The following PGM2L1 variants were observed in gnomAD, a reference collection of about 807,000 sequenced individuals.
PGM2L1 encodes the protein phosphoglucomutase 2 like 1.
PGM2L1 carries 35 observed loss-of-function variants against 73.4 expected under a neutral mutation model. The ratio of observed to expected loss-of-function variants is 0.48; its 90% CI spans 0.36 to 0.63. The LOEUF (loss-of-function observed/expected upper bound fraction) is 0.63, where lower values mean the gene tolerates loss of function less well. Ranked by LOEUF, PGM2L1 falls within the 30% of genes least tolerant of loss-of-function variation. The pLI is 0.00. For missense variants in PGM2L1, 570 were observed against 742.0 expected, an observed-to-expected ratio of 0.77 and a Z score of 2.69; for synonymous variants, 225 against 253.8, an observed-to-expected ratio of 0.89 and a Z score of 1.08.
chr11:74,336,778 G>A, intron 13 of PGM2L1, 24 bp from the exon 14 acceptor site: 4 of 1,504,822 alleles, frequency 2.7e-6, no homozygotes, highest in Non-Finnish European at 3.7e-6. Flanking sequence ...GAAGAGTTTT[G>A]GAATTATTTA....
At chr11:74,363,126 TCCTGAATGACTACTGGGTACA>T (rs1862593062) in intron 5 of PGM2L1, among the ~76,000 whole-genome samples, 1 of 152,144 alleles carries the variant, frequency 6.6e-6, no homozygotes, top group African/African-American at 2.4e-5. Flanking sequence ...AACAACCTGC[TCCTGAATGACTACTGGGTACA>T]TAATGAAATG....
At chr11:74,344,378 C>T (rs1442440352) in intron 9 of PGM2L1, among the ~76,000 whole-genome samples, 1 of 151,830 alleles carries the variant, frequency 6.6e-6, no homozygotes. Context: ...ACACTGTGTC[C>T]TAACTATTAA....
chr11:74,376,251 A>C (rs1019228251), intron 1 of PGM2L1, among the ~76,000 whole-genome samples: 3 of 152,034 alleles, frequency 2.0e-5, no homozygotes, highest in Non-Finnish European at 4.4e-5. Context: ...ACTAAGATTT[A>C]GAGAGGGAGC....
intron 12 of PGM2L1, among the ~76,000 whole-genome samples, chr11:74,340,285 A>C (rs1189894754): frequency 2.0e-5 from 3 of 152,224 alleles, no homozygotes; most frequent in African/African-American, 7.2e-5. Context: ...AATATTATAC[A>C]CTTTAACGAG....
At chr11:74,353,111 GC>G (rs1403998176) in intron 5 of PGM2L1, among the ~76,000 whole-genome samples, 1 of 152,082 alleles carries the variant, frequency 6.6e-6, no homozygotes, top group African/African-American at 2.4e-5. Flanking sequence ...CACAGAAACT[GC>G]CCCCAGTCAG....
At chr11:74,373,444 A>G (rs1278947350) in intron 2 of PGM2L1, among the ~76,000 whole-genome samples, 1 of 152,230 alleles carries the variant, frequency 6.6e-6, no homozygotes, top group Non-Finnish European at 1.5e-5. Context: ...GGGAGTATCA[A>G]TTAGAATTAT....
At chr11:74,346,653 T>C (rs1345356665) in intron 8 of PGM2L1, 79 bp downstream of exon 8, 1 of 1,090,362 alleles carries the variant, frequency 9.2e-7, no homozygotes, top group Admixed American at 2.1e-5. Context: ...CTTTTCATTA[T>C]TTTCAATGAG....
Position 74,374,364 on chromosome 11 carries a change from G to A in PGM2L1, c.279+51C>T, listed in dbSNP as rs373908801. The stretch of plus-strand genomic sequence containing the variant: ...CCCAAACTGCTGGGATTACAGGCAT[G>A]AGCCACCATGTCCAGTCAAAAGTAC... On this transcript the variant is annotated intron_variant, in intron 2 of 13. Transcript: ENST00000298198. The A allele has an allele frequency of 9.0e-6, 13 of 1,438,384 alleles. No individual in the cohort carries two copies. The Middle Eastern group carries it at 5.5e-4, about 61-fold the overall frequency. 89.1% of individuals were successfully genotyped at this position (1,438,384 alleles called of 1,614,324 possible). A position where few individuals can be genotyped will look rare whatever the true frequency, so the allele number is the denominator to read the frequency against.
chr11:74,343,207 T>C, intron 10 of PGM2L1, 116 bp downstream of exon 10: 1 of 1,363,468 alleles, frequency 7.3e-7, no homozygotes, highest in Non-Finnish European at 9.7e-7. Context: ...TATTTCTCAT[T>C]CTCTGTAGTT....
At position 74,333,766 on chromosome 11, in the gene PGM2L1, C is replaced by G. The variant is rs1304490535; in HGVS notation, c.*2886G>C. The G allele has an allele frequency of 6.6e-6, 1 of 152,166 alleles. No homozygotes were observed. Among genetic ancestry groups the G allele is most frequent in the Admixed American group, 6.5e-5 (1 of 15,276 alleles). The allele number at this position is 152,166 out of a possible 1,614,324, so 9.4% of individuals were successfully genotyped here. ...TTCCCGTGTCTCTTTATATTGTTTG[C>G]TTATTTCTACTGTTTATTTCCAATG... On this transcript the variant is annotated 3_prime_UTR_variant, in exon 14 of 14. Transcript: ENST00000298198.
intron 1 of PGM2L1, among the ~76,000 whole-genome samples, chr11:74,379,378 C>G (rs1862905514): frequency 6.6e-6 from 1 of 152,100 alleles, no homozygotes; most frequent in South Asian, 2.1e-4. Context: ...GGACCCACCT[C>G]CAATATTGGA....
chr11:74,369,128 C>T (rs1380851529), intron 4 of PGM2L1, among the ~76,000 whole-genome samples: 111 of 152,290 alleles, frequency 7.3e-4, no homozygotes, highest in Middle Eastern at 6.8e-3. Flanking sequence ...ACATTTATAA[C>T]ACAGCCACAT....
At position 74,345,467 on chromosome 11, in the gene PGM2L1, A is replaced by T; in HGVS notation, c.1218+2T>A. ...TAGCACACAGATATTATTGATTCTT[A>T]CTTCAAAATGAAATCCTTCTTTAAG... On this transcript the variant is annotated splice_donor_variant, in intron 9 of 13. Coordinates refer to ENST00000298198, the MANE Select transcript of PGM2L1 (RefSeq NM_173582.6). LOFTEE classifies it high-confidence loss of function. 6.2e-7 allele frequency: 1 copy of T among 1,601,948 alleles called. No homozygotes were observed. Among genetic ancestry groups the T allele is most frequent in the Non-Finnish European group, 8.5e-7 (1 of 1,170,584 alleles).
intron 1 of PGM2L1, among the ~76,000 whole-genome samples, chr11:74,377,042 A>AT (rs1176520008): frequency 3.9e-5 from 6 of 151,918 alleles, no homozygotes; most frequent in Non-Finnish European, 7.4e-5. Flanking sequence ...TTACATTTGT[A>AT]TTTTTTTGCT....
intron 2 of PGM2L1, among the ~76,000 whole-genome samples, chr11:74,374,074 CA>C (rs1862818106): frequency 2.0e-5 from 1 of 51,044 alleles, no homozygotes; most frequent in Non-Finnish European, 5.1e-5. Flanking sequence ...AAAAAAAAAC[CA>C]GACTGAGAAA....
chr11:74,338,491 C>T lies in PGM2L1; in HGVS notation c.1743G>A (p.Glu581=), dbSNP rs1862131759. The T allele has an allele frequency of 6.3e-7, 1 of 1,592,396 alleles. No individual in the cohort carries two copies. The highest frequency in any genetic ancestry group is 2.2e-5 in the East Asian group (1 of 44,566). Reference sequence around the variant, plus strand: ...ACCTCTGGTCAGGTGACGCACACATCTCTGCATAATACTTTATCTTTGGTT... The same window carrying T: ...ACCTCTGGTCAGGTGACGCACACATTTCTGCATAATACTTTATCTTTGGTT... ...GTEPKIKYYA[E]MCASPDQSDT... is the part of the protein sequence containing the mutation. The change falls in exon 13 of 14, where the codon GAG becomes GAA. Residue 581 remains glutamate, a synonymous_variant. Coordinates refer to ENST00000298198, the MANE Select transcript of PGM2L1 (RefSeq NM_173582.6).
At chr11:74,369,050 A>C (rs935286039) in intron 4 of PGM2L1, among the ~76,000 whole-genome samples, 1 of 152,180 alleles carries the variant, frequency 6.6e-6, no homozygotes, top group African/African-American at 2.4e-5. Context: ...TTCAGTTACC[A>C]CGGTAATATT....
chr11:74,343,044 A>T (rs1862206919), intron 10 of PGM2L1, 30 bp from the exon 11 acceptor site: 1 of 1,572,030 alleles, frequency 6.4e-7, no homozygotes. Flanking sequence ...ACTAGAAAAG[A>T]GGAAAACTTA....
chr11:74,373,031 A>AG (rs1312773231), intron 2 of PGM2L1, among the ~76,000 whole-genome samples: 2 of 152,060 alleles, frequency 1.3e-5, no homozygotes, highest in Non-Finnish European at 2.9e-5. Flanking sequence ...CCATTAAAAA[A>AG]AATGACCAAA....
Sources: gnomAD v4.1 joint callset for allele counts (sites outside exome capture counted in the v4.1 genomes callset) on GRCh38, gnomAD v4.1.1 for gene constraint, MANE v1.5 for transcripts, NCBI Gene and HGNC (gene_info 2026-07-23, HGNC 2026-07-21) for gene names.